Variants in SUSD6 observed in about 807,000 individuals in gnomAD.
The protein encoded by SUSD6 is sushi domain-containing protein 6.
SUSD6 carries 16 observed loss-of-function variants against 28.4 expected under a neutral mutation model. That is an observed-to-expected ratio of 0.56 (90% CI 0.38 to 0.86). SUSD6 has a LOEUF of 0.86. SUSD6 is among the 40% of genes least tolerant of loss of function. SUSD6 has a pLI of 0.00. For synonymous variants in SUSD6, 147 were observed against 159.6 expected (o/e 0.92, Z 0.59); for missense variants, 341 against 384.2 (o/e 0.89, Z 0.94).
At chr14:69,633,293 A>G (rs967037651) in intron 1 of SUSD6, among the ~76,000 whole-genome samples, 1 of 152,254 alleles carries the variant, frequency 6.6e-6, no homozygotes, top group African/African-American at 2.4e-5. Flanking sequence ...TGGAATAGCC[A>G]GAGTCTGCTA....
At chr14:69,648,174 T>G (rs1015633620) in intron 1 of SUSD6, among the ~76,000 whole-genome samples, 7 of 152,306 alleles carry the variant, frequency 4.6e-5, no homozygotes, top group African/African-American at 1.7e-4. Context: ...TTATATATAT[T>G]TCCCCATATA....
chr14:69,635,248 CAAAGGTACACTTTAGAG>C (rs1461534627), intron 1 of SUSD6, among the ~76,000 whole-genome samples: 1 of 152,152 alleles, frequency 6.6e-6, no homozygotes, highest in Non-Finnish European at 1.5e-5. Context: ...ATCATCTGCC[CAAAGGTACACTTTAGAG>C]AAAGACTTTG....
chr14:69,624,181 A>G (rs994707801), intron 1 of SUSD6, among the ~76,000 whole-genome samples: 4 of 152,228 alleles, frequency 2.6e-5, no homozygotes, highest in Admixed American at 6.5e-5. Flanking sequence ...TAGATACACA[A>G]TTACCATCAT....
Position 69,708,704 on chromosome 14 carries a change from G to T in SUSD6, c.486G>T (p.Gln162His). 1 of 1,593,830 alleles carries T rather than the reference G, an allele frequency of 6.3e-7. No individual in the cohort carries two copies. Among genetic ancestry groups the T allele is most frequent in the Non-Finnish European group, 8.6e-7 (1 of 1,168,260 alleles). The change falls in exon 5 of 6, where the codon CAG becomes CAT. Residue 162 changes from glutamine to histidine, a missense_variant. Physicochemically the swap from Gln to His is conservative, Grantham distance 24. Coordinates refer to ENST00000342745, the MANE Select transcript of SUSD6 (RefSeq NM_014734.4). ...GTGACCAGGGGGTATCTGGGGACCAGGTCTCCATCATGGTGGATGGAGTCC... is the reference window on the plus strand; with the variant it reads ...GTGACCAGGGGGTATCTGGGGACCATGTCTCCATCATGGTGGATGGAGTCC... ...SRRDQGVSGD[Q>H]VSIMVDGVQV...
rs1424821530 is a variant in SUSD6, at chr14:69,713,960, C to A, written c.*2981C>A. 6.6e-6 allele frequency: 1 copy of A among 150,802 alleles called. No individual in the cohort carries two copies. The highest frequency in any genetic ancestry group is 1.5e-5 in the Non-Finnish European group (1 of 67,868). 9.3% of individuals were successfully genotyped at this position (150,802 alleles called of 1,614,324 possible). A position where few individuals can be genotyped will look rare whatever the true frequency, so the allele number is the denominator to read the frequency against. ...ATATGGTGAAAATCACTTAAAATAT[C>A]CGTCCCTTCCATGCCTTAGTTTAGC... On this transcript the variant is annotated 3_prime_UTR_variant, in exon 6 of 6. Transcript: ENST00000342745.
At chr14:69,668,496 G>A (rs139801044) in intron 2 of SUSD6, among the ~76,000 whole-genome samples, 3 of 151,934 alleles carry the variant, frequency 2.0e-5, no homozygotes, top group South Asian at 2.1e-4. Context: ...TCAGCCGGGC[G>A]TGGTGATGCA....
At chr14:69,637,824 G>A (rs1476375551) in intron 1 of SUSD6, among the ~76,000 whole-genome samples, 1 of 152,156 alleles carries the variant, frequency 6.6e-6, no homozygotes, top group African/African-American at 2.4e-5. Context: ...AGGGGTGAGT[G>A]ACCTGTGCAG....
intron 2 of SUSD6, among the ~76,000 whole-genome samples, chr14:69,697,276 C>G (rs529425348): frequency 3.3e-5 from 5 of 152,162 alleles, no homozygotes; most frequent in Non-Finnish European, 5.9e-5. Flanking sequence ...TCTGCCCAAC[C>G]TGTTTTATTG....
At chr14:69,682,528 T>A (rs1436038237) in intron 2 of SUSD6, among the ~76,000 whole-genome samples, 1 of 152,126 alleles carries the variant, frequency 6.6e-6, no homozygotes, top group East Asian at 1.9e-4. Flanking sequence ...AATACAAATT[T>A]AAAACTCTCC....
intron 1 of SUSD6, among the ~76,000 whole-genome samples, chr14:69,646,208 T>C (rs1406156888): frequency 6.6e-6 from 1 of 152,238 alleles, no homozygotes; most frequent in Non-Finnish European, 1.5e-5. Context: ...CCACTTCTCA[T>C]GTTTTCCTTG....
intron 2 of SUSD6, among the ~76,000 whole-genome samples, chr14:69,664,719 T>G (rs142457798): frequency 9.7e-4 from 147 of 152,328 alleles, no homozygotes; most frequent in African/African-American, 3.4e-3. Flanking sequence ...GGGTCCCTAT[T>G]GGGTTAAAGT....
chr14:69,619,826 C>G (rs1885011116), intron 1 of SUSD6, among the ~76,000 whole-genome samples: 1 of 152,102 alleles, frequency 6.6e-6, no homozygotes, highest in South Asian at 2.1e-4. Context: ...GATGTGTGCT[C>G]TGTCTGGGAG....
intron 2 of SUSD6, among the ~76,000 whole-genome samples, chr14:69,678,889 T>C (rs139597767): frequency 2.9e-3 from 438 of 152,068 alleles, no homozygotes; most frequent in African/African-American, 0.01. Context: ...GTCCTAAGCA[T>C]GTGTGCAGAA....
At chr14:69,707,068 T>A (rs542849707) in intron 4 of SUSD6, among the ~76,000 whole-genome samples, 11 of 149,368 alleles carry the variant, frequency 7.4e-5, no homozygotes, top group Admixed American at 6.6e-4. Context: ...GTTTAACAGA[T>A]TAAATGAGAT....
chr14:69,702,009 C>T (rs1473081014), intron 2 of SUSD6, among the ~76,000 whole-genome samples: 1 of 152,126 alleles, frequency 6.6e-6, no homozygotes, highest in East Asian at 1.9e-4. Context: ...GTGAGAGAGG[C>T]TGTGAGGGCA....
intron 2 of SUSD6, among the ~76,000 whole-genome samples, chr14:69,692,581 A>G (rs556757609): frequency 2.0e-5 from 3 of 152,340 alleles, no homozygotes; most frequent in African/African-American, 7.2e-5. Flanking sequence ...CTGGTGATAA[A>G]TGTTAATTCT....
rs529281908 is a variant in SUSD6 at position 69,636,858 on chromosome 14, G to A, written c.-80-21655G>A. 6.6e-5 allele frequency among the ~76,000 whole-genome samples: 10 copies of A among 152,288 alleles called. 1 individual carries two copies. Among genetic ancestry groups the A allele is most frequent in the South Asian group, 6.2e-4 (3 of 4,830 alleles). On this transcript the variant is annotated intron_variant, in intron 1 of 5. Coordinates refer to ENST00000342745, the MANE Select transcript of SUSD6 (RefSeq NM_014734.4). ...CAGATTCTGATTGGGAGATATATGA[G>A]GAAACTTTGTTTGGTGAGAGTTAGG...
chr14:69,650,574 G>A (rs1251711976), intron 1 of SUSD6, among the ~76,000 whole-genome samples: 1 of 152,150 alleles, frequency 6.6e-6, no homozygotes, highest in East Asian at 1.9e-4. Context: ...TTTGGAGAAG[G>A]GGTTTCCTAC....
intron 1 of SUSD6, among the ~76,000 whole-genome samples, chr14:69,639,966 T>TTG (rs1174340162): frequency 3.4e-5 from 5 of 148,140 alleles, no homozygotes; most frequent in African/African-American, 1.3e-4. Context: ...GTTTTTTTTT[T>TTG]TTTTTTTTTT....
Sources: gnomAD v4.1 joint callset for allele counts (sites outside exome capture counted in the v4.1 genomes callset) on GRCh38, gnomAD v4.1.1 for gene constraint, MANE v1.5 for transcripts, NCBI Gene and HGNC (gene_info 2026-07-23, HGNC 2026-07-21) for gene names.